CERS6: variants seen among roughly 807,000 people sequenced by gnomAD.
CERS6 encodes the protein LAG1 homolog, ceramide synthase 6.
Under a neutral mutation model 56.8 loss-of-function variants are expected in CERS6, and 26 were observed. That is an observed-to-expected ratio of 0.46 (90% CI 0.34 to 0.63). The LOEUF is 0.63. Ranked by LOEUF, CERS6 falls within the 30% of genes least tolerant of loss-of-function variation. The probability of loss-of-function intolerance (pLI) is 0.01; values close to 1 mark genes in which losing one functional copy is unlikely to be tolerated. For missense variants in CERS6, 415 were observed against 467.5 expected, an observed-to-expected ratio of 0.89 and a Z score of 1.04; for synonymous variants, 164 against 173.3, an observed-to-expected ratio of 0.95 and a Z score of 0.42.
At chr2:168,475,110 ATAT>A (rs1388891577) in intron 1 of CERS6, among the ~76,000 whole-genome samples, 2 of 152,092 alleles carry the variant, frequency 1.3e-5, no homozygotes, top group Admixed American at 1.3e-4. Context: ...TTTAGTCATC[ATAT>A]TATCTCATCG....
chr2:168,515,403 G>A (rs559738277), intron 1 of CERS6, among the ~76,000 whole-genome samples: 13 of 144,856 alleles, frequency 9.0e-5, no homozygotes, highest in African/African-American at 2.5e-4. Flanking sequence ...GTCACTGTGG[G>A]AAAAAAAAAA....
intron 3 of CERS6, among the ~76,000 whole-genome samples, chr2:168,607,858 G>T (rs1684090417): frequency 6.6e-6 from 1 of 152,152 alleles, no homozygotes; most frequent in Non-Finnish European, 1.5e-5. Flanking sequence ...GAAGGAGTTG[G>T]CTCTGGGCTC....
At chr2:168,524,035 T>C (rs2105357996) in intron 1 of CERS6, among the ~76,000 whole-genome samples, 1 of 152,332 alleles carries the variant, frequency 6.6e-6, no homozygotes, top group South Asian at 2.1e-4. Context: ...CCAGTAGACA[T>C]GCTGATGTTT....
At chr2:168,747,505 TA>T (rs1300596755) in intron 8 of CERS6, among the ~76,000 whole-genome samples, 1 of 152,148 alleles carries the variant, frequency 6.6e-6, no homozygotes, top group Non-Finnish European at 1.5e-5. Context: ...AAAAGATAGA[TA>T]ACCGTAAAAG....
chr2:168,617,478 C>T (rs115528984), intron 3 of CERS6, among the ~76,000 whole-genome samples: 1,856 of 152,056 alleles, frequency 0.012, 32 homozygotes, highest in African/African-American at 0.041. Flanking sequence ...AATTAATAGA[C>T]CATTAGCAAG....
chr2:168,511,534 G>T (rs1256089132), intron 1 of CERS6, among the ~76,000 whole-genome samples: 2 of 152,162 alleles, frequency 1.3e-5, no homozygotes, highest in Admixed American at 6.5e-5. Context: ...ACAAGAGTTG[G>T]TTTTGTTTTC....
chr2:168,759,489 C>T (rs1684507991), intron 8 of CERS6, among the ~76,000 whole-genome samples: 1 of 152,102 alleles, frequency 6.6e-6, no homozygotes, highest in South Asian at 2.1e-4. Flanking sequence ...CATTAGACAA[C>T]AGTAGAGGTT....
intron 8 of CERS6, among the ~76,000 whole-genome samples, chr2:168,725,060 G>A (rs1683306891): frequency 1.3e-5 from 2 of 152,238 alleles, no homozygotes; most frequent in African/African-American, 4.8e-5. Context: ...GGCAGCTAAG[G>A]CCCAGCGAGA....
At chr2:168,588,345 A>G (rs747965202) in intron 3 of CERS6, among the ~76,000 whole-genome samples, 5 of 152,066 alleles carry the variant, frequency 3.3e-5, no homozygotes, top group African/African-American at 7.2e-5. Flanking sequence ...CATCACCACC[A>G]TCCATCTCTA....
chr2:168,460,954 T>C (rs971278146), intron 1 of CERS6, among the ~76,000 whole-genome samples: 2 of 151,992 alleles, frequency 1.3e-5, no homozygotes, highest in Admixed American at 1.3e-4. Context: ...TAGCCTTGGG[T>C]GAGGCCTTCT....
intron 3 of CERS6, among the ~76,000 whole-genome samples, chr2:168,601,942 A>G (rs1683943312): frequency 6.6e-6 from 1 of 152,222 alleles, no homozygotes; most frequent in African/African-American, 2.4e-5. Context: ...ACAGAAGTAG[A>G]ATATTTTTAC....
At chr2:168,493,777 A>G (rs1694415235) in intron 1 of CERS6, among the ~76,000 whole-genome samples, 1 of 151,984 alleles carries the variant, frequency 6.6e-6, no homozygotes, top group Non-Finnish European at 1.5e-5. Context: ...AGACACCCAC[A>G]TAAATACAAA....
At chr2:168,535,558 G>A (rs1398974644) in intron 1 of CERS6, among the ~76,000 whole-genome samples, 1 of 151,888 alleles carries the variant, frequency 6.6e-6, no homozygotes, top group Non-Finnish European at 1.5e-5. Context: ...GGATACCTTG[G>A]TTGCCAGTGA....
At chr2:168,526,598 A>C (rs1383178189) in intron 1 of CERS6, among the ~76,000 whole-genome samples, 4 of 152,254 alleles carry the variant, frequency 2.6e-5, no homozygotes, top group African/African-American at 4.8e-5. Flanking sequence ...AAACTGACTC[A>C]GGGAGGTAAA....
chr2:168,495,896 G>T (rs16855390), intron 1 of CERS6, among the ~76,000 whole-genome samples: 8,419 of 152,232 alleles, frequency 0.055, 343 homozygotes, highest in East Asian at 0.18. Flanking sequence ...GGTACAAAAA[G>T]GTATTCCCCA....
intron 3 of CERS6, among the ~76,000 whole-genome samples, chr2:168,581,832 G>T (rs907243235): frequency 1.3e-5 from 2 of 152,136 alleles, no homozygotes; most frequent in Non-Finnish European, 2.9e-5. Flanking sequence ...ACTACTCTTT[G>T]TTCTTAGGAA....
At chr2:168,577,415 C>T (rs1045508999) in intron 3 of CERS6, among the ~76,000 whole-genome samples, 1 of 151,890 alleles carries the variant, frequency 6.6e-6, no homozygotes, top group Admixed American at 6.6e-5. Context: ...TGGGAACTCT[C>T]GAGAGGTTTG....
chr2:168,759,123 G>A (rs1684495191), intron 8 of CERS6, among the ~76,000 whole-genome samples: 1 of 152,156 alleles, frequency 6.6e-6, no homozygotes. Flanking sequence ...CACCCACCAA[G>A]GCTAAGATAT....
chr2:168,734,621 A>C (rs79988175), intron 8 of CERS6, among the ~76,000 whole-genome samples: 1,968 of 152,358 alleles, frequency 0.013, 44 homozygotes, highest in African/African-American at 0.045. Context: ...GTCAACGGTT[A>C]ATCAGACTGT....
Sources: gnomAD v4.1 joint callset for allele counts (sites outside exome capture counted in the v4.1 genomes callset) on GRCh38, gnomAD v4.1.1 for gene constraint, MANE v1.5 for transcripts, NCBI Gene and HGNC (gene_info 2026-07-23, HGNC 2026-07-21) for gene names.